INSC: variants seen among roughly 807,000 people sequenced by gnomAD.
INSC encodes the protein protein inscuteable homolog.
Under a neutral mutation model 58.6 loss-of-function variants are expected in INSC, and 67 were observed. That is an observed-to-expected ratio of 1.14 (90% CI 0.94 to 1.40). The LOEUF is 1.40. Ranked by LOEUF, INSC falls within the 40% of genes most tolerant of loss-of-function variation. The pLI is 0.00. For missense variants in INSC, 714 were observed against 692.0 expected, an observed-to-expected ratio of 1.03 and a Z score of -0.36; for synonymous variants, 262 against 276.1, an observed-to-expected ratio of 0.95 and a Z score of 0.51.
chr11:15,148,952 T>TG (rs1347378545), intron 1 of INSC, 178 bp from the exon 2 acceptor site: 1 of 633,042 alleles, frequency 1.6e-6, no homozygotes, highest in African/African-American at 1.9e-5. Flanking sequence ...AGATCAAATC[T>TG]GGGTTCTGCC....
chr11:15,136,249 T>C (rs1848242528), intron 1 of INSC, among the ~76,000 whole-genome samples: 1 of 152,232 alleles, frequency 6.6e-6, no homozygotes, highest in Non-Finnish European at 1.5e-5. Flanking sequence ...CATATATAAT[T>C]AAAAATACTT....
At chr11:15,175,628 A>T in intron 2 of INSC, 113 bp from the exon 3 acceptor site, 1 of 673,142 alleles carries the variant, frequency 1.5e-6, no homozygotes, top group Non-Finnish European at 2.3e-6. Flanking sequence ...TGAATGGGAG[A>T]AACACTGCTA....
At chr11:15,164,956 T>C in intron 2 of INSC, among the ~76,000 whole-genome samples, 1 of 152,224 alleles carries the variant, frequency 6.6e-6, no homozygotes, top group East Asian at 1.9e-4. Flanking sequence ...TCCCTATCCA[T>C]GTGGAACTGT....
intron 1 of INSC, among the ~76,000 whole-genome samples, chr11:15,120,454 G>T (rs1377267147): frequency 6.6e-6 from 1 of 152,206 alleles, no homozygotes; most frequent in East Asian, 1.9e-4. Flanking sequence ...AGGCCTTCCC[G>T]AAAGTGTAAG....
chr11:15,211,257 C>T (rs1851016081), intron 7 of INSC, among the ~76,000 whole-genome samples: 1 of 152,208 alleles, frequency 6.6e-6, no homozygotes, highest in Non-Finnish European at 1.5e-5. Flanking sequence ...GTACCGTCCT[C>T]TCTTATTATG....
At chr11:15,132,857 T>G (rs1192256096) in intron 1 of INSC, among the ~76,000 whole-genome samples, 1 of 152,188 alleles carries the variant, frequency 6.6e-6, no homozygotes, top group Non-Finnish European at 1.5e-5. Context: ...GTCTGCTGAG[T>G]TTCATCATTG....
chr11:15,179,705 C>T (rs1442276333), intron 5 of INSC, among the ~76,000 whole-genome samples: 1 of 152,228 alleles, frequency 6.6e-6, no homozygotes, highest in Non-Finnish European at 1.5e-5. Context: ...GGTGCTGGGG[C>T]AGCACTTGGA....
chr11:15,112,591 A>ACTGT, upstream of INSC: 13 of 365,952 alleles, frequency 3.6e-5, no homozygotes, highest in Non-Finnish European at 3.0e-5. Context: ...GGTGGATGTG[A>ACTGT]GTGTGTGTGT....
chr11:15,255,746 G>GTGTGTGTGTA, the INSC span, among the ~76,000 whole-genome samples: 15 of 151,696 alleles, frequency 9.9e-5, no homozygotes, highest in African/African-American at 3.6e-4. Context: ...ATGTGTGTGT[G>GTGTGTGTGTA]TGTGTGTGTG....
At chr11:15,132,317 G>C (rs536751094) in intron 1 of INSC, among the ~76,000 whole-genome samples, 1 of 152,178 alleles carries the variant, frequency 6.6e-6, no homozygotes, top group South Asian at 2.1e-4. Context: ...GCAGGGTCTT[G>C]CTCTGTTGCC....
upstream of INSC, among the ~76,000 whole-genome samples, chr11:15,113,621 C>A (rs1005384454): frequency 6.6e-6 from 1 of 152,122 alleles, no homozygotes; most frequent in East Asian, 1.9e-4. Flanking sequence ...GAACTGAGGC[C>A]CCTCTCAGGG....
chr11:15,230,977 G>A (rs1486805495), intron 9 of INSC, among the ~76,000 whole-genome samples: 1 of 152,150 alleles, frequency 6.6e-6, no homozygotes, highest in African/African-American at 2.4e-5. Context: ...GCTTGTCTCT[G>A]GGTCTAGGTC....
At chr11:15,260,130 G>A in the INSC span, among the ~76,000 whole-genome samples, 45 of 152,218 alleles carry the variant, frequency 3.0e-4, no homozygotes, top group South Asian at 8.7e-3. Context: ...GAGGGAGGCC[G>A]ACCCACATCC....
In INSC at chr11:15,176,066, T is replaced by C; in HGVS notation, c.382T>C (p.Ser128Pro). 2 of 1,532,102 alleles carry C rather than the reference T, an allele frequency of 1.3e-6. No individual in the cohort carries two copies. Among genetic ancestry groups the C allele is most frequent in the Non-Finnish European group, 1.8e-6 (2 of 1,129,422 alleles). 94.9% of individuals were successfully genotyped at this position (1,532,102 alleles called of 1,614,324 possible). A position where few individuals can be genotyped will look rare whatever the true frequency, so the allele number is the denominator to read the frequency against. ...VSEYSAVSRN[S>P]LKEMGEIEKL... ...CGAGTACAGTGCTGTCAGCAGGAAC[T>C]CCTTGAAGGAAATGGGCGAGGTCAG... The change falls in exon 3 of 13, where the codon TCC (serine) becomes CCC (proline). Residue 128 changes from serine to proline, a missense_variant. Ser to Pro is a moderately conservative substitution (Grantham distance 74). Transcript: ENST00000379556.
intron 1 of INSC, among the ~76,000 whole-genome samples, chr11:15,140,219 G>T (rs562942763): frequency 1.3e-5 from 2 of 152,316 alleles, no homozygotes; most frequent in East Asian, 3.9e-4. Flanking sequence ...GACCTCTGGG[G>T]ACTCATGGGC....
chr11:15,269,079 A>G, the INSC span, among the ~76,000 whole-genome samples: 12 of 152,046 alleles, frequency 7.9e-5, no homozygotes, highest in Admixed American at 3.9e-4. Flanking sequence ...ACTTGCAGTC[A>G]CTGCTTGTCA....
At chr11:15,210,660 T>C (rs1418848072) in intron 7 of INSC, among the ~76,000 whole-genome samples, 1 of 151,940 alleles carries the variant, frequency 6.6e-6, no homozygotes, top group Non-Finnish European at 1.5e-5. Flanking sequence ...GAAAACACAG[T>C]GCTGTTGCTG....
chr11:15,258,685 A>T, the INSC span, among the ~76,000 whole-genome samples: 6 of 152,154 alleles, frequency 3.9e-5, no homozygotes, highest in African/African-American at 1.4e-4. Context: ...TGTAAGTTAG[A>T]ACCAGAAATT....
At chr11:15,238,847 T>A in intron 10 of INSC, 72 bp from the exon 11 acceptor site, 1 of 1,493,990 alleles carries the variant, frequency 6.7e-7, no homozygotes, top group East Asian at 2.3e-5. Context: ...CCTGCAGCCA[T>A]CTGTCCAGCT....
Sources: allele counts gnomAD v4.1 joint callset (sites outside exome capture counted in the v4.1 genomes callset), GRCh38; gene constraint gnomAD v4.1.1; transcripts MANE v1.5; gene names NCBI Gene and HGNC (gene_info 2026-07-23, HGNC 2026-07-21).